NAMPT: variants seen among roughly 807,000 people sequenced by gnomAD.
The protein encoded by NAMPT is nicotinamide phosphoribosyltransferase.
In NAMPT, 7 loss-of-function variants were observed where a neutral mutation model predicts 58.7. The observed-to-expected ratio is 0.12, with a 90% CI of 0.07 to 0.22. The LOEUF (loss-of-function observed/expected upper bound fraction) is 0.22, where lower values mean the gene tolerates loss of function less well. Among genes scored for constraint, NAMPT ranks in the 10% least tolerant of loss-of-function variants. The pLI is 1.00. For missense variants in NAMPT, 271 were observed against 567.9 expected, an observed-to-expected ratio of 0.48 and a Z score of 5.31; for synonymous variants, 145 against 198.1, an observed-to-expected ratio of 0.73 and a Z score of 2.25.
chr7:106,283,075 C>T (rs1792796909), intron 1 of NAMPT, among the ~76,000 whole-genome samples: 1 of 152,114 alleles, frequency 6.6e-6, no homozygotes, highest in African/African-American at 2.4e-5. Context: ...TGGTATAAAA[C>T]ATATCGACTT....
chr7:106,284,732 G>GCCCCAA (rs1349904757), intron 1 of NAMPT, 96 bp downstream of exon 1: 1 of 205,774 alleles, frequency 4.9e-6, no homozygotes. Flanking sequence ...CCCAGCCCCA[G>GCCCCAA]CCCCAACCCC....
rs1191816673 is a variant in NAMPT, at chr7:106,251,196, G to A, written c.1366-3C>T. ...TTGAAGACAGTATGGAGAAGATCCT[G>A]CATAAATGGAAATTTCATGATTATA... On this transcript the variant is annotated splice_region_variant and splice_polypyrimidine_tract_variant and intron_variant, in intron 10 of 10. Transcript: ENST00000222553. 6 of 1,569,800 alleles carry A rather than the reference G, an allele frequency of 3.8e-6. No homozygotes were observed. Among genetic ancestry groups the A allele is most frequent in the Non-Finnish European group, 5.3e-6 (6 of 1,140,874 alleles).
At position 106,273,300 on chromosome 7, in the gene NAMPT, GTTAT is replaced by G. The variant is rs1208220972; in HGVS notation, c.319-646_319-643del. On this transcript the variant is annotated intron_variant, in intron 3 of 10. Transcript: ENST00000222553. ...AATTGCCTCCAAAATTAGGCTGAAG[GTTAT>G]TTGTTATGTGACACTGTACCTCCCT... Among the ~76,000 whole-genome samples the G allele has an allele frequency of 5.3e-5, 8 of 152,254 alleles. No individual in the cohort carries two copies. The East Asian group carries it at 1.3e-3, about 26-fold the overall frequency.
At chr7:106,257,133 A>C (rs1478150607) in intron 8 of NAMPT, among the ~76,000 whole-genome samples, 2 of 151,932 alleles carry the variant, frequency 1.3e-5, no homozygotes, top group Non-Finnish European at 2.9e-5. Flanking sequence ...AACAAGAGCA[A>C]AACTCCATCT....
In NAMPT at chr7:106,248,479, CAATA is replaced by C. The variant is rs1237809622; in HGVS notation, c.*2600_*2603del. 3.3e-5 allele frequency: 5 copies of C among 152,346 alleles called. No homozygotes were observed. The highest frequency in any genetic ancestry group is 4.8e-5 in the African/African-American group (2 of 41,378). The allele number at this position is 152,346 out of a possible 1,614,324, so 9.4% of individuals were successfully genotyped here. The stretch of plus-strand genomic sequence containing the variant: ...GAGTTCTAAATTATGGCAAACAGAA[CAATA>C]AATACCTTGCCATTTTTCTTTCTAA... On this transcript the variant is annotated 3_prime_UTR_variant, in exon 11 of 11. Coordinates refer to ENST00000222553, the MANE Select transcript of NAMPT (RefSeq NM_005746.3).
At chr7:106,273,199 CTA>C (rs1491400110) in intron 3 of NAMPT, among the ~76,000 whole-genome samples, 4 of 152,202 alleles carry the variant, frequency 2.6e-5, no homozygotes, top group African/African-American at 9.6e-5. Context: ...GGACCTGAAA[CTA>C]TGAGACAGGC....
At chr7:106,253,297 T>C (rs1792135528) in intron 9 of NAMPT, 146 bp from the exon 10 acceptor site, 6 of 749,184 alleles carry the variant, frequency 8.0e-6, no homozygotes, top group Non-Finnish European at 1.3e-5. Flanking sequence ...ACATCTGGCT[T>C]TCAGAAACAT....
chr7:106,274,389 G>A (rs1398747316), intron 3 of NAMPT, among the ~76,000 whole-genome samples: 2 of 152,054 alleles, frequency 1.3e-5, no homozygotes, highest in South Asian at 2.1e-4. Context: ...GATTCTATAT[G>A]CTAATGATTT....
chr7:106,281,162 G>C (rs905626542), intron 1 of NAMPT, among the ~76,000 whole-genome samples: 3 of 151,580 alleles, frequency 2.0e-5, no homozygotes, highest in Admixed American at 1.3e-4. Flanking sequence ...CCAACCAACT[G>C]TAACAAAAAA....
chr7:106,268,142 G>A (rs1011918113), intron 6 of NAMPT, among the ~76,000 whole-genome samples: 2 of 152,028 alleles, frequency 1.3e-5, no homozygotes, highest in East Asian at 3.9e-4. Context: ...GGTACTTACA[G>A]TGAGTGCTTC....
Position 106,254,807 on chromosome 7 carries a change from A to C in NAMPT, c.1090-303T>G, listed in dbSNP as rs993730315. On this transcript the variant is annotated intron_variant, in intron 8 of 10. Coordinates refer to ENST00000222553, the MANE Select transcript of NAMPT (RefSeq NM_005746.3). ...AGAAAAAACTAGCTATAAATATCTAAGATTACTTGAGTCAACTTCTCTCAT... is the reference window on the plus strand; with the variant it reads ...AGAAAAAACTAGCTATAAATATCTACGATTACTTGAGTCAACTTCTCTCAT... Among the ~76,000 whole-genome samples, 3 of 152,180 alleles carry C rather than the reference A, an allele frequency of 2.0e-5. 1 individual carries two copies. In the South Asian group the frequency reaches 6.2e-4, roughly 32 times the overall value.
At chr7:106,276,966 T>C (rs1792659379) in intron 2 of NAMPT, 57 bp downstream of exon 2, 26 of 1,339,504 alleles carry the variant, frequency 1.9e-5, no homozygotes, top group Admixed American at 1.9e-5. Context: ...CTAAAAGAAC[T>C]CCTAAAGGAG....
intron 6 of NAMPT, among the ~76,000 whole-genome samples, chr7:106,267,840 CAAAAAAAAAAAAAAAAA>C (rs769070307): frequency 0.011 from 356 of 33,180 alleles, 8 homozygotes; most frequent in East Asian, 0.068. Context: ...GACTCCGTCT[CAAAAAAAAAAAAAAAAA>C]AAAAAAAAAA....
At position 106,250,093 on chromosome 7, in the gene NAMPT, C is replaced by T. The variant is rs1792081136; in HGVS notation, c.*990G>A. On this transcript the variant is annotated 3_prime_UTR_variant, in exon 11 of 11. Coordinates refer to ENST00000222553, the MANE Select transcript of NAMPT (RefSeq NM_005746.3). ...TTTAAAAACTTAATAAAAAATATAA[C>T]AGAATTGAAACATTTAAGTACACTC... 6.6e-6 allele frequency: 1 copy of T among 152,456 alleles called. No homozygotes were observed. The highest frequency in any genetic ancestry group is 1.9e-4 in the East Asian group (1 of 5,190). 9.4% of individuals were successfully genotyped at this position (152,456 alleles called of 1,614,324 possible).
intron 4 of NAMPT, among the ~76,000 whole-genome samples, chr7:106,270,489 C>T (rs1792512083): frequency 6.6e-6 from 1 of 152,204 alleles, no homozygotes; most frequent in South Asian, 2.1e-4. Flanking sequence ...ACTCCTGTGA[C>T]TGATTAAATA....
chr7:106,253,838 A>G (rs1248122622), intron 9 of NAMPT, among the ~76,000 whole-genome samples: 1 of 152,132 alleles, frequency 6.6e-6, no homozygotes, highest in Non-Finnish European at 1.5e-5. Context: ...AATTCTTAGC[A>G]TCCTCCTGCC....
At chr7:106,271,234 CT>C (rs773209203) in intron 4 of NAMPT, among the ~76,000 whole-genome samples, 14 of 152,134 alleles carry the variant, frequency 9.2e-5, no homozygotes, top group Non-Finnish European at 1.9e-4. Flanking sequence ...ACATTTTTCA[CT>C]TTTATGCTGC....
rs1316213068 is a variant in NAMPT, at chr7:106,250,399, T to C, written c.*684A>G. 2 of 152,624 alleles carry C rather than the reference T, an allele frequency of 1.3e-5. No homozygotes were observed. The highest frequency in any genetic ancestry group is 3.9e-4 in the East Asian group (2 of 5,190). The allele number at this position is 152,624 out of a possible 1,614,324, so 9.5% of individuals were successfully genotyped here. ...GGTACAATACAACAACCAAGATATATAATAACTGTACAGTGCCTAGACATT... is the reference window on the plus strand; with the variant it reads ...GGTACAATACAACAACCAAGATATACAATAACTGTACAGTGCCTAGACATT... On this transcript the variant is annotated 3_prime_UTR_variant, in exon 11 of 11. Transcript: ENST00000222553.
intron 1 of NAMPT, among the ~76,000 whole-genome samples, chr7:106,282,200 G>A (rs1299201376): frequency 6.6e-6 from 1 of 151,782 alleles, no homozygotes; most frequent in African/African-American, 2.4e-5. Context: ...TTGGCCATTA[G>A]AGGAAGCAAA....
Sources: allele counts gnomAD v4.1 joint callset (sites outside exome capture counted in the v4.1 genomes callset), GRCh38; gene constraint gnomAD v4.1.1; transcripts MANE v1.5; gene names NCBI Gene and HGNC (gene_info 2026-07-23, HGNC 2026-07-21).